Variants in PLCH1 observed in about 807,000 individuals in gnomAD.
PLCH1 encodes the protein 1-phosphatidylinositol 4,5-bisphosphate phosphodiesterase eta-1.
Under a neutral mutation model 126.7 loss-of-function variants are expected in PLCH1, and 60 were observed. The observed-to-expected ratio is 0.47, with a 90% confidence interval of 0.38 to 0.59. The LOEUF is 0.59. PLCH1 is among the 20% of genes least tolerant of loss of function. PLCH1 has a pLI of 0.00. For missense variants in PLCH1, 1,723 were observed against 2,040.0 expected (o/e 0.84, Z 2.99); for synonymous variants, 719 against 734.9 (o/e 0.98, Z 0.35).
chr3:155,455,555 T>C (rs374640578), intron 21 of PLCH1, among the ~76,000 whole-genome samples: 7 of 152,330 alleles, frequency 4.6e-5, no homozygotes, highest in Middle Eastern at 3.4e-3. Flanking sequence ...CTGAAGTTAA[T>C]TGAGCAAGAA....
At chr3:155,580,043 A>T (rs1730459331) in intron 6 of PLCH1, among the ~76,000 whole-genome samples, 1 of 152,200 alleles carries the variant, frequency 6.6e-6, no homozygotes, top group Non-Finnish European at 1.5e-5. Flanking sequence ...AAAAACAAAC[A>T]TGGAAAAACA....
intron 10 of PLCH1, among the ~76,000 whole-genome samples, chr3:155,537,061 C>T (rs548949367): frequency 4.6e-5 from 7 of 151,980 alleles, no homozygotes; most frequent in African/African-American, 1.7e-4. Context: ...AATCTTGTGT[C>T]CAGCAAAACT....
chr3:155,546,785 G>A lies in PLCH1; in HGVS notation c.1362+3002C>T, dbSNP rs534005897. 2.0e-3 allele frequency among the ~76,000 whole-genome samples: 304 copies of A among 149,700 alleles called. 3 individuals are homozygous for A. Among genetic ancestry groups the A allele is most frequent in the African/African-American group, 7.1e-3 (290 of 40,870 alleles). On this transcript the variant is annotated intron_variant, in intron 10 of 22. Transcript: ENST00000460012. ...ACAAACCTGAGAAAAACAAGCAATG[G>A]GGAAAGGATTCCCTATTTAATAAAT... is the stretch of plus-strand genomic sequence containing the variant.
chr3:155,515,275 C>G (rs1201197018), intron 11 of PLCH1, among the ~76,000 whole-genome samples: 1 of 152,204 alleles, frequency 6.6e-6, no homozygotes, highest in African/African-American at 2.4e-5. Flanking sequence ...GCCCTTCCCC[C>G]TATGCTTATG....
Position 155,482,218 on chromosome 3 carries a change from T to C in PLCH1, c.3808A>G (p.Thr1270Ala). 6.2e-7 allele frequency: 1 copy of C among 1,614,194 alleles called. No homozygotes were observed. The highest frequency in any genetic ancestry group is 8.5e-7 in the Non-Finnish European group (1 of 1,180,028). ...KHATNTVYET[T>A]CTPISKTKPD... ...TTGGTTTTAGAGATGGGAGTGCAGG[T>C]AGTTTCATAAACTGTGTTCGTTGCA... Residue 1270 changes from threonine to alanine, a missense_variant, in exon 23 of 23, where the codon ACC becomes GCC. This residue lies in a region of PLCH1 where 947 missense variants were observed against 977.1 expected (regional missense o/e 0.97). Transcript: ENST00000460012.
rs148989128 is a variant in PLCH1, at chr3:155,543,343, G to C, written c.1362+6444C>G. Among the ~76,000 whole-genome samples, 371 of 152,258 alleles carry C rather than the reference G, an allele frequency of 2.4e-3. 9 individuals carry two copies. The East Asian group carries it at 0.053, about 22-fold the overall frequency. ...CGAGAAGGGAAGTTTAGAGGAAAAA[G>C]AATAAAAAGAAATGAACAAAGCCTC... On this transcript the variant is annotated intron_variant, in intron 10 of 22. Coordinates refer to ENST00000460012, the MANE Select transcript of PLCH1 (RefSeq NM_014996.4).
At position 155,557,522 on chromosome 3, in the gene PLCH1, T is replaced by C. The variant is rs79822215; in HGVS notation, c.1070-3326A>G. Among the ~76,000 whole-genome samples the C allele has an allele frequency of 3.0e-3, 455 of 152,316 alleles. 3 individuals carry two copies. Among genetic ancestry groups the C allele is most frequent in the African/African-American group, 0.01 (424 of 41,564 alleles). ...TAGGAGGTTCTCCTAATGTTCAATT[T>C]TTATATCTAATTCCATCACTTGTCT... On this transcript the variant is annotated intron_variant, in intron 8 of 22. Coordinates refer to ENST00000460012, the MANE Select transcript of PLCH1 (RefSeq NM_014996.4).
Position 155,458,811 on chromosome 3 carries a change from G to A in PLCH1, c.2938+26545C>T, listed in dbSNP as rs11928514. 6.1e-3 allele frequency among the ~76,000 whole-genome samples: 934 copies of A among 152,284 alleles called. 11 individuals carry two copies. Among genetic ancestry groups the A allele is most frequent in the African/African-American group, 0.021 (868 of 41,560 alleles). ...TCTCTGGAAATGTCTTAAAAGACGG[G>A]ACAACCAGCTATTTTGTTCTGAAGG... On this transcript the variant is annotated intron_variant, in intron 21 of 21. Coordinates refer to the PLCH1 transcript ENST00000494598.
chr3:155,671,422 T>C (rs1254670030), intron 2 of PLCH1, among the ~76,000 whole-genome samples: 1 of 152,208 alleles, frequency 6.6e-6, no homozygotes, highest in African/African-American at 2.4e-5. Flanking sequence ...GGCGGTTACT[T>C]TGATGAGCAT....
At chr3:155,547,585 G>A (rs987217540) in intron 10 of PLCH1, among the ~76,000 whole-genome samples, 1 of 152,016 alleles carries the variant, frequency 6.6e-6, no homozygotes, top group African/African-American at 2.4e-5. Flanking sequence ...AAAGACACAT[G>A]CACATGTATG....
intron 21 of PLCH1, among the ~76,000 whole-genome samples, chr3:155,473,377 A>T (rs138187928): frequency 0.026 from 4,013 of 152,316 alleles, 314 homozygotes; most frequent in East Asian, 0.18. Context: ...AGGGACGTGA[A>T]GGACCTCTTC....
At chr3:155,517,865 A>G (rs1316468991) in intron 11 of PLCH1, among the ~76,000 whole-genome samples, 1 of 152,226 alleles carries the variant, frequency 6.6e-6, no homozygotes, top group Non-Finnish European at 1.5e-5. Flanking sequence ...GAGAAAACAA[A>G]AAGTATCAAA....
At chr3:155,637,093 G>A (rs1738813503) in intron 2 of PLCH1, among the ~76,000 whole-genome samples, 1 of 152,124 alleles carries the variant, frequency 6.6e-6, no homozygotes, top group Non-Finnish European at 1.5e-5. Context: ...TAATTTTTGT[G>A]TAAATTATAT....
chr3:155,613,339 A>G (rs991699146), intron 2 of PLCH1, among the ~76,000 whole-genome samples: 1 of 120,218 alleles, frequency 8.3e-6, no homozygotes, highest in African/African-American at 4.2e-5. Flanking sequence ...AGGAAAGGAC[A>G]TAACACCAAC....
At chr3:155,656,650 G>C (rs1420774560) in intron 2 of PLCH1, among the ~76,000 whole-genome samples, 1 of 152,154 alleles carries the variant, frequency 6.6e-6, no homozygotes, top group African/African-American at 2.4e-5. Flanking sequence ...ATTTCCTTGT[G>C]AGTATGTGTG....
intron 2 of PLCH1, among the ~76,000 whole-genome samples, chr3:155,659,662 C>T (rs1050140393): frequency 6.6e-6 from 1 of 151,932 alleles, no homozygotes; most frequent in Admixed American, 6.6e-5. Flanking sequence ...CCATGCCCAG[C>T]TAATTTTTGT....
rs181218054 is a variant in PLCH1 at position 155,485,622 on chromosome 3, C to T, written c.2708G>A (p.Arg903Gln). The change falls in exon 22 of 23, where the codon CGA (arginine) becomes CAA (glutamine). Residue 903 changes from arginine (R) to glutamine (Q), a missense_variant. By Grantham distance (43) the Arg-to-Gln change is conservative. Coordinates refer to ENST00000460012, the MANE Select transcript of PLCH1 (RefSeq NM_014996.4). ...SENNSHYVRK[R>Q]SIGDRILRRT... is the part of the protein sequence containing the mutation. ...TCGCAGAATTCTATCTCCAATGGAT[C>T]GCTTCCGTACATAATGGGAATTGTT... The T allele has an allele frequency of 6.2e-7, 1 of 1,612,930 alleles. No homozygotes were observed. Among genetic ancestry groups the T allele is most frequent in the Non-Finnish European group, 8.5e-7 (1 of 1,179,962 alleles).
rs778132120 is a variant in PLCH1 at position 155,482,548 on chromosome 3, A to T, written c.3478T>A (p.Ser1160Thr). 1 of 1,614,058 alleles carries T rather than the reference A, an allele frequency of 6.2e-7. No homozygotes were observed. The highest frequency in any genetic ancestry group is 1.3e-5 in the African/African-American group (1 of 74,916). ...MLCSDIPDLH[S>T]TAILQESVIS... ...ACACTCTCCTGCAGAATTGCAGTTG[A>T]ATGTAGGTCAGGTATGTCAGAACAG... The change falls in exon 23 of 23, where the codon TCA becomes ACA. Residue 1160 changes from serine (S) to threonine (T), a missense_variant. This residue lies in a region of PLCH1 where 947 missense variants were observed against 977.1 expected (regional missense o/e 0.97). Transcript: ENST00000460012.
intron 1 of PLCH1, among the ~76,000 whole-genome samples, chr3:155,727,639 C>G (rs981491218): frequency 6.6e-6 from 1 of 152,142 alleles, no homozygotes; most frequent in Non-Finnish European, 1.5e-5. Flanking sequence ...CCGCCCGTCT[C>G]GGCCTCCCAA....
Sources: gnomAD v4.1 joint callset for allele counts (sites outside exome capture counted in the v4.1 genomes callset) on GRCh38, gnomAD v4.1.1 for gene constraint, gnomAD v4.1.1 regional missense constraint, MANE v1.5 for transcripts, NCBI Gene and HGNC (gene_info 2026-07-23, HGNC 2026-07-21) for gene names.